Variants in NFASC observed in about 807,000 individuals in gnomAD.
NFASC encodes neurofascin homolog.
Under a neutral mutation model 147.5 loss-of-function variants are expected in NFASC, and 43 were observed. The observed-to-expected ratio is 0.29, with a 90% CI of 0.23 to 0.38. The LOEUF (loss-of-function observed/expected upper bound fraction) is 0.38, where lower values mean the gene tolerates loss of function less well. NFASC is among the 10% of genes least tolerant of loss of function. The pLI is 1.00. For missense variants in NFASC, 1,320 were observed against 1,689.0 expected (o/e 0.78, Z 3.83); for synonymous variants, 622 against 665.5 (o/e 0.93, Z 1.01).
At chr1:204,910,016 C>T (rs1269579941) in intron 1 of NFASC, among the ~76,000 whole-genome samples, 2 of 151,972 alleles carry the variant, frequency 1.3e-5, no homozygotes, top group Non-Finnish European at 2.9e-5. Context: ...ATTGGGTAGA[C>T]TGATCCTCCT....
chr1:205,013,960 C>T (rs959338839), intron 29 of NFASC, among the ~76,000 whole-genome samples: 21 of 152,230 alleles, frequency 1.4e-4, no homozygotes, highest in Admixed American at 1.2e-3. Context: ...TTCCCAGAAG[C>T]ATCCTGAAAG....
At chr1:205,001,064 TGTG>T in intron 25 of NFASC, 103 bp from the exon 26 acceptor site, 1 of 725,392 alleles carries the variant, frequency 1.4e-6, no homozygotes, top group Non-Finnish European at 2.5e-6. Context: ...CGTGCGCGAG[TGTG>T]GGCATGTGCG....
At position 204,829,593 on chromosome 1, in the gene NFASC, T is replaced by C. The variant is rs528963103; in HGVS notation, c.-200+811T>C. Among the ~76,000 whole-genome samples the C allele has an allele frequency of 1.4e-4, 22 of 152,294 alleles. No homozygotes were observed. In the East Asian group the frequency reaches 4.1e-3, roughly 28 times the overall value. On this transcript the variant is annotated intron_variant, in intron 1 of 29. Transcript: ENST00000339876. ...AGAATGCTGGGGGTTAGTAGGCCTCTCTCTTATGTTCCTCTCCAGCCATGC... is the reference window on the plus strand; with the variant it reads ...AGAATGCTGGGGGTTAGTAGGCCTCCCTCTTATGTTCCTCTCCAGCCATGC...
chr1:204,924,837 G>C (rs905392361), intron 2 of NFASC, among the ~76,000 whole-genome samples: 1 of 152,182 alleles, frequency 6.6e-6, no homozygotes, highest in Non-Finnish European at 1.5e-5. Context: ...GCTGTAACTT[G>C]GGGGAGAGGA....
At chr1:204,938,789 G>T (rs2093101967) in intron 2 of NFASC, among the ~76,000 whole-genome samples, 1 of 152,172 alleles carries the variant, frequency 6.6e-6, no homozygotes, top group Admixed American at 6.5e-5. Context: ...GAGATAACAG[G>T]TTCTAAGAGC....
Position 204,968,161 on chromosome 1 carries a change from G to A in NFASC, c.707-88G>A, listed in dbSNP as rs2095063281. The stretch of plus-strand genomic sequence containing the variant: ...GGGAGGATCCGGCAGGGGCGGTGAT[G>A]CCACTTCTCTCTAGCCTGACAGCGT... On this transcript the variant is annotated intron_variant, in intron 8 of 29. Coordinates refer to ENST00000339876, the MANE Select transcript of NFASC (RefSeq NM_001005388.3). The surrounding 1 kb of genome is among the most constrained non-coding windows in gnomAD (Gnocchi z 5.4). 14 of 945,736 alleles carry A rather than the reference G, an allele frequency of 1.5e-5. No individual in the cohort carries two copies. Among genetic ancestry groups the A allele is most frequent in the Non-Finnish European group, 2.4e-5 (14 of 582,588 alleles). 58.6% of individuals were successfully genotyped at this position (945,736 alleles called of 1,614,324 possible). A position where few individuals can be genotyped will look rare whatever the true frequency, so the allele number is the denominator to read the frequency against.
intron 1 of NFASC, among the ~76,000 whole-genome samples, chr1:204,876,144 A>G (rs1207378471): frequency 3.3e-5 from 5 of 152,300 alleles, no homozygotes; most frequent in Non-Finnish European, 7.4e-5. Context: ...TTGAAAATCA[A>G]CTGTATCAAG....
At chr1:204,920,771 C>A in intron 2 of NFASC, 31 bp downstream of exon 2, 3 of 1,090,036 alleles carry the variant, frequency 2.8e-6, no homozygotes, top group Non-Finnish European at 3.7e-6. Context: ...GGGTATGTGT[C>A]ATTGGAGGGG....
chr1:204,840,979 G>A (rs956510198), intron 1 of NFASC, among the ~76,000 whole-genome samples: 2 of 152,240 alleles, frequency 1.3e-5, no homozygotes, highest in Admixed American at 1.3e-4. Context: ...TCCTGTAGAT[G>A]CTAGTGTTTT....
Position 205,022,714 on chromosome 1 carries a change from A to T in NFASC, c.*6175A>T, listed in dbSNP as rs1206700296. ...CATGGACTTATAAACTGACTGCATG[A>T]GCAATGAAAAGGCCAAATTATTCTG... is the stretch of plus-strand genomic sequence containing the variant. On this transcript the variant is annotated 3_prime_UTR_variant, in exon 30 of 30. Coordinates refer to ENST00000339876, the MANE Select transcript of NFASC (RefSeq NM_001005388.3). 6.6e-6 allele frequency: 1 copy of T among 152,656 alleles called. No individual in the cohort carries two copies. Among genetic ancestry groups the T allele is most frequent in the African/African-American group, 2.4e-5 (1 of 41,444 alleles). The allele number at this position is 152,656 out of a possible 1,614,324, so 9.5% of individuals were successfully genotyped here. A position where few individuals can be genotyped will look rare whatever the true frequency, so the allele number is the denominator to read the frequency against.
chr1:204,933,747 A>C (rs1324749315), intron 2 of NFASC, among the ~76,000 whole-genome samples: 1 of 144,908 alleles, frequency 6.9e-6, no homozygotes, highest in African/African-American at 2.5e-5. Context: ...GGAAGAAGCC[A>C]AAAAAAAAAA....
chr1:204,876,952 G>C (rs2078912123), intron 1 of NFASC, among the ~76,000 whole-genome samples: 1 of 142,110 alleles, frequency 7.0e-6, no homozygotes, highest in South Asian at 2.2e-4. Context: ...TTGATGGAGG[G>C]AAGGGTAGAA....
intron 1 of NFASC, among the ~76,000 whole-genome samples, chr1:204,918,638 T>G (rs1164847483): frequency 6.8e-6 from 1 of 146,676 alleles, no homozygotes; most frequent in African/African-American, 2.5e-5. Flanking sequence ...CAGGCTGGAG[T>G]GCAGTGGCAT....
At chr1:204,957,878 G>A (rs2094498955) in intron 8 of NFASC, 52 bp downstream of exon 8, 2 of 1,561,180 alleles carry the variant, frequency 1.3e-6, no homozygotes, top group Non-Finnish European at 8.8e-7. Flanking sequence ...GAAGCCCACT[G>A]ATCCCACCCA....
intron 7 of NFASC, among the ~76,000 whole-genome samples, chr1:204,955,541 C>G (rs1198464104): frequency 6.6e-6 from 1 of 152,172 alleles, no homozygotes; most frequent in Non-Finnish European, 1.5e-5. Flanking sequence ...AGGGTATCTG[C>G]AGCAGGGACA....
chr1:204,966,538 A>T (rs1342904240), intron 8 of NFASC, among the ~76,000 whole-genome samples: 2 of 152,102 alleles, frequency 1.3e-5, no homozygotes, highest in African/African-American at 4.8e-5. Context: ...GGTGGGAGGA[A>T]GCTGTTGGTG....
In NFASC at chr1:204,979,508, G is replaced by A. The variant is rs778462953; in HGVS notation, c.2125G>A (p.Gly709Arg). The A allele has an allele frequency of 6.2e-7, 1 of 1,613,788 alleles. No homozygotes were observed. Among genetic ancestry groups the A allele is most frequent in the Admixed American group, 1.7e-5 (1 of 60,012 alleles). ...CCGTGTCATTGCCATCAACGAGGTT[G>A]GGAGCAGCCACCCCAGCCTCCCATC... ...QFRVIAINEVGSSHPSLPSER... is the reference protein window; with the variant it reads ...QFRVIAINEVRSSHPSLPSER... The change falls in exon 19 of 30, where the codon GGG becomes AGG. Residue 709 changes from glycine to arginine, a missense_variant. Physicochemically the swap from Gly to Arg is moderately radical, Grantham distance 125. Transcript: ENST00000339876. This position sits in a 1 kb window ranked among gnomAD's most constrained non-coding sequence, Gnocchi z 6.0.
chr1:204,884,178 G>A (rs1425723662), intron 1 of NFASC, among the ~76,000 whole-genome samples: 2 of 152,182 alleles, frequency 1.3e-5, no homozygotes, highest in Admixed American at 6.5e-5. Flanking sequence ...TTTCAGGGGT[G>A]AGGGGTGTGT....
At chr1:204,930,629 A>G (rs567040755) in intron 2 of NFASC, among the ~76,000 whole-genome samples, 1 of 152,206 alleles carries the variant, frequency 6.6e-6, no homozygotes, top group Non-Finnish European at 1.5e-5. Flanking sequence ...GGAGGAAATG[A>G]CCAGTGGAAC....
Sources: gnomAD v4.1 joint callset for allele counts (sites outside exome capture counted in the v4.1 genomes callset) on GRCh38, gnomAD v4.1.1 for gene constraint, Gnocchi (gnomAD v3.1) non-coding constraint, MANE v1.5 for transcripts, NCBI Gene and HGNC (gene_info 2026-07-23, HGNC 2026-07-21) for gene names.